ATXN1: variants seen among roughly 807,000 people sequenced by gnomAD.
ATXN1 encodes ataxin-1.
ATXN1 carries 8 observed loss-of-function variants against 56.4 expected under a neutral mutation model. The ratio of observed to expected loss-of-function variants is 0.14; its 90% CI spans 0.08 to 0.26. The LOEUF is 0.26. ATXN1 is among the 10% of genes least tolerant of loss of function. The pLI is 1.00. For missense variants in ATXN1, 987 were observed against 1,106.5 expected, an observed-to-expected ratio of 0.89 and a Z score of 1.53; for synonymous variants, 514 against 494.6, an observed-to-expected ratio of 1.04 and a Z score of -0.52.
At chr6:16,682,474 G>C (rs1437668314) in intron 2 of ATXN1, among the ~76,000 whole-genome samples, 3 of 152,122 alleles carry the variant, frequency 2.0e-5, no homozygotes, top group African/African-American at 7.2e-5. Flanking sequence ...TGGGATTACA[G>C]GTGTGAGCCA....
chr6:16,537,372 T>C (rs1561744872), intron 4 of ATXN1, among the ~76,000 whole-genome samples: 1 of 152,060 alleles, frequency 6.6e-6, no homozygotes, highest in Non-Finnish European at 1.5e-5. Flanking sequence ...CTGCTCACCC[T>C]CCGAGAAGGA....
chr6:16,537,928 C>T lies in ATXN1; in HGVS notation c.-360-15240G>A, dbSNP rs370774040. ...GACCAGCCTGGCCATCATGGTGATA[C>T]CCCATCTCTACTAAAAATACAAAAA... is the stretch of plus-strand genomic sequence containing the variant. On this transcript the variant is annotated intron_variant, in intron 4 of 7. Transcript: ENST00000436367. Among the ~76,000 whole-genome samples the T allele has an allele frequency of 1.3e-5, 2 of 152,020 alleles. 1 individual carries two copies.
At chr6:16,672,845 C>T (rs1462984220) in intron 2 of ATXN1, among the ~76,000 whole-genome samples, 1 of 151,880 alleles carries the variant, frequency 6.6e-6, no homozygotes, top group African/African-American at 2.4e-5. Flanking sequence ...CATGGAGAAA[C>T]CCCACTCTAG....
At chr6:16,585,715 A>C (rs1014304425) in intron 4 of ATXN1, 65 bp downstream of exon 4, 3 of 152,156 alleles carry the variant, frequency 2.0e-5, no homozygotes, top group African/African-American at 7.2e-5. Flanking sequence ...CACCCCCACC[A>C]CTATCTTGGG....
chr6:16,333,853 G>A (rs546517872), intron 6 of ATXN1, among the ~76,000 whole-genome samples: 1 of 152,302 alleles, frequency 6.6e-6, no homozygotes, highest in East Asian at 1.9e-4. Flanking sequence ...TGCACTGGCA[G>A]AAAGCACTTC....
intron 3 of ATXN1, among the ~76,000 whole-genome samples, chr6:16,592,534 T>A (rs1312131819): frequency 1.3e-5 from 2 of 152,078 alleles, no homozygotes; most frequent in East Asian, 3.9e-4. Flanking sequence ...GGACAATGAA[T>A]ATGGGTTTTC....
At position 16,327,678 on chromosome 6, in the gene ATXN1, ATGCTGATGC is replaced by A. The variant is rs762842044; in HGVS notation, c.624_632del (p.Gln208_Gln210del). On this transcript the variant is annotated inframe_deletion, in exon 7 of 8. Coordinates refer to ENST00000436367, the MANE Select transcript of ATXN1 (RefSeq NM_001128164.2). ...GCTGCTGCTGCTGCTGCTGCTGCTG[ATGCTGATGC>A]TGCTGCTGCTGCTGCTGCTGCTGCT... 9,550 of 1,009,660 alleles carry A rather than the reference ATGCTGATGC, an allele frequency of 9.5e-3. 351 individuals carry two copies. In the African/African-American group the frequency reaches 0.14, roughly 15 times the overall value. The allele number at this position is 1,009,660 out of a possible 1,614,324, so 62.5% of individuals were successfully genotyped here. A position where few individuals can be genotyped will look rare whatever the true frequency, so the allele number is the denominator to read the frequency against.
At chr6:16,455,228 GA>G (rs1482742173) in intron 6 of ATXN1, among the ~76,000 whole-genome samples, 1 of 152,156 alleles carries the variant, frequency 6.6e-6, no homozygotes, top group Non-Finnish European at 1.5e-5. Context: ...TTCACTATTA[GA>G]AAACAAACAA....
chr6:16,624,408 AC>A (rs1300503544), intron 3 of ATXN1, among the ~76,000 whole-genome samples: 3 of 152,058 alleles, frequency 2.0e-5, no homozygotes, highest in Admixed American at 6.6e-5. Flanking sequence ...CAGTTGTACA[AC>A]AATGTGAATT....
At chr6:16,369,320 T>G (rs1051515983) in intron 6 of ATXN1, among the ~76,000 whole-genome samples, 1 of 152,216 alleles carries the variant, frequency 6.6e-6, no homozygotes, top group Non-Finnish European at 1.5e-5. Flanking sequence ...AGAAACCCGA[T>G]ATCCAACAGA....
intron 6 of ATXN1, among the ~76,000 whole-genome samples, chr6:16,405,905 G>T (rs1378484088): frequency 6.6e-6 from 1 of 152,094 alleles, no homozygotes; most frequent in Non-Finnish European, 1.5e-5. Context: ...GGCTGGGAAG[G>T]AAGGCCGCAC....
intron 4 of ATXN1, among the ~76,000 whole-genome samples, chr6:16,556,225 C>A (rs1762011460): frequency 6.6e-6 from 1 of 152,068 alleles, no homozygotes; most frequent in African/African-American, 2.4e-5. Context: ...GGGAAAAAAA[C>A]TACCCTAGTA....
intron 6 of ATXN1, among the ~76,000 whole-genome samples, chr6:16,443,924 G>T (rs2282838): frequency 6.6e-6 from 1 of 151,938 alleles, no homozygotes; most frequent in South Asian, 2.1e-4. Context: ...AGACCATCCT[G>T]GCTAACACAG....
rs934347192 is a variant in ATXN1 at position 16,328,438 on chromosome 6, G to T, written c.-128C>A. 2 of 1,333,642 alleles carry T rather than the reference G, an allele frequency of 1.5e-6. No homozygotes were observed. Among genetic ancestry groups the T allele is most frequent in the Non-Finnish European group, 1.9e-6 (2 of 1,043,748 alleles). 82.6% of individuals were successfully genotyped at this position (1,333,642 alleles called of 1,614,324 possible). The stretch of plus-strand genomic sequence containing the variant: ...GCTCTTCATGAGGAATCATCTCCCC[G>T]TGGGTACAATCCGCCAACAGCAGCT... On this transcript the variant is annotated 5_prime_UTR_variant, in exon 7 of 8. Coordinates refer to ENST00000436367, the MANE Select transcript of ATXN1 (RefSeq NM_001128164.2). This position sits in a 1 kb window ranked among gnomAD's most constrained non-coding sequence, Gnocchi z 6.2.
In ATXN1 at chr6:16,453,376, G is replaced by A. The variant is rs557866480; in HGVS notation, c.-161+32596C>T. 4.5e-4 allele frequency among the ~76,000 whole-genome samples: 68 copies of A among 152,162 alleles called. 1 individual carries two copies. The highest frequency in any genetic ancestry group is 1.6e-3 in the African/African-American group (68 of 41,534). On this transcript the variant is annotated intron_variant, in intron 6 of 7. Coordinates refer to ENST00000436367, the MANE Select transcript of ATXN1 (RefSeq NM_001128164.2). The stretch of plus-strand genomic sequence containing the variant: ...CTCAGGAGGCTGAGGCAGGAGAATC[G>A]CTTGAACCCGGGAGGCAGAGGTTGA...
At chr6:16,307,629 G>A (rs1459673504) in intron 7 of ATXN1, among the ~76,000 whole-genome samples, 10 of 150,982 alleles carry the variant, frequency 6.6e-5, no homozygotes, top group South Asian at 2.1e-4. Context: ...AGCCGAGATC[G>A]TGCCACTGGG....
At chr6:16,622,523 A>G (rs983611749) in intron 3 of ATXN1, among the ~76,000 whole-genome samples, 1 of 152,202 alleles carries the variant, frequency 6.6e-6, no homozygotes, top group African/African-American at 2.4e-5. Context: ...AATCTTGACT[A>G]ATTTTCATTT....
chr6:16,714,386 A>G (rs1262918), intron 2 of ATXN1, among the ~76,000 whole-genome samples: 39,526 of 152,018 alleles, frequency 0.26, 5,329 homozygotes, highest in Middle Eastern at 0.32. Flanking sequence ...TTTGTAGAAC[A>G]GCTACCCAAA....
intron 1 of ATXN1, among the ~76,000 whole-genome samples, chr6:16,758,240 G>A (rs1378613202): frequency 5.3e-5 from 8 of 152,196 alleles, no homozygotes; most frequent in Admixed American, 2.6e-4. Flanking sequence ...TCCAGCCATC[G>A]CTATGGGCAA....
Sources: gnomAD v4.1 joint callset for allele counts (sites outside exome capture counted in the v4.1 genomes callset) on GRCh38, gnomAD v4.1.1 for gene constraint, Gnocchi (gnomAD v3.1) non-coding constraint, MANE v1.5 for transcripts, NCBI Gene and HGNC (gene_info 2026-07-23, HGNC 2026-07-21) for gene names.